The following TRAPPC9 variants were observed in gnomAD, a reference collection of about 807,000 sequenced individuals.
TRAPPC9 encodes trafficking protein particle complex subunit 9.
TRAPPC9 carries 83 observed loss-of-function variants against 124.0 expected under a neutral mutation model. The ratio of observed to expected loss-of-function variants is 0.67; its 90% CI spans 0.56 to 0.80. The LOEUF (loss-of-function observed/expected upper bound fraction) is 0.80. Ranked by LOEUF, TRAPPC9 falls within the 30% of genes least tolerant of loss-of-function variation. The pLI is 0.00. For missense variants in TRAPPC9, 1,302 were observed against 1,508.3 expected (o/e 0.86, Z 2.27); for synonymous variants, 638 against 617.5 (o/e 1.03, Z -0.49).
Position 140,279,899 on chromosome 8 carries a change from A to C in TRAPPC9, c.2114+3990T>G, listed in dbSNP as rs190024319. Among the ~76,000 whole-genome samples, 314 of 152,158 alleles carry C rather than the reference A, an allele frequency of 2.1e-3. 1 individual carries two copies. Among genetic ancestry groups the C allele is most frequent in the African/African-American group, 7.1e-3 (293 of 41,502 alleles). On this transcript the variant is annotated intron_variant, in intron 14 of 22. Coordinates refer to ENST00000438773, the MANE Select transcript of TRAPPC9 (RefSeq NM_001160372.4). ...AAGTTAAAGTACCTCTTCTCAAGTT[A>C]TTTTTCCTTTTTGGTGATCTGCCCT...
intron 21 of TRAPPC9, among the ~76,000 whole-genome samples, chr8:139,845,384 G>A (rs942645302): frequency 1.3e-5 from 2 of 152,158 alleles, no homozygotes; most frequent in Non-Finnish European, 2.9e-5. Flanking sequence ...CCATAAAAGC[G>A]TACGACATTA....
chr8:139,809,840 C>T (rs1824317280), intron 21 of TRAPPC9, among the ~76,000 whole-genome samples: 1 of 152,174 alleles, frequency 6.6e-6, no homozygotes, highest in African/African-American at 2.4e-5. Context: ...CCCCACATGC[C>T]AGCCCCTGAG....
At chr8:139,837,099 C>T (rs1343282881) in intron 21 of TRAPPC9, among the ~76,000 whole-genome samples, 1 of 152,162 alleles carries the variant, frequency 6.6e-6, no homozygotes, top group African/African-American at 2.4e-5. Flanking sequence ...GTTCAGGGAA[C>T]AAACCAGGAA....
chr8:140,381,603 G>C (rs2068610150), intron 7 of TRAPPC9, among the ~76,000 whole-genome samples: 1 of 148,790 alleles, frequency 6.7e-6, no homozygotes, highest in South Asian at 2.1e-4. Context: ...AGGAGGCGGA[G>C]GCTGCAGTGA....
intron 21 of TRAPPC9, among the ~76,000 whole-genome samples, chr8:139,741,472 T>C (rs1392474710): frequency 6.6e-6 from 1 of 152,070 alleles, no homozygotes; most frequent in Non-Finnish European, 1.5e-5. Context: ...CTGGACTTGG[T>C]CTGGTTTTGT....
At chr8:139,784,977 G>T (rs1472094693) in intron 21 of TRAPPC9, among the ~76,000 whole-genome samples, 1 of 152,142 alleles carries the variant, frequency 6.6e-6, no homozygotes, top group East Asian at 1.9e-4. Flanking sequence ...GATTCATATG[G>T]AAATACAAAA....
rs1398142193 is a variant in TRAPPC9 at position 139,728,437 on chromosome 8, T to G, written c.*2624A>C. On this transcript the variant is annotated 3_prime_UTR_variant, in exon 23 of 23. Transcript: ENST00000438773. ...AGAAGCAGCAACTGCTGGACTGTAT[T>G]GCCAGGTAGCCAGTAGCGTGGGGCC... Among the ~76,000 whole-genome samples the G allele has an allele frequency of 6.6e-6, 1 of 152,220 alleles. No homozygotes were observed. Among genetic ancestry groups the G allele is most frequent in the African/African-American group, 2.4e-5 (1 of 41,454 alleles).
chr8:140,183,101 A>AT (rs1382814179), intron 17 of TRAPPC9, among the ~76,000 whole-genome samples: 1 of 152,140 alleles, frequency 6.6e-6, no homozygotes, highest in Non-Finnish European at 1.5e-5. Flanking sequence ...CTGAGCCATA[A>AT]TCTCCTTCAG....
At chr8:139,795,967 G>C (rs141640964) in intron 21 of TRAPPC9, among the ~76,000 whole-genome samples, 1 of 152,084 alleles carries the variant, frequency 6.6e-6, no homozygotes, top group Non-Finnish European at 1.5e-5. Flanking sequence ...TAAGAATCTC[G>C]CACCCTTGGT....
At chr8:140,041,096 A>G (rs887270804) in intron 17 of TRAPPC9, 1 of 152,190 alleles carries the variant, frequency 6.6e-6, no homozygotes, top group Non-Finnish European at 1.5e-5. Context: ...CATCTCTTGC[A>G]ATAGCAGAAG....
chr8:140,107,735 A>G (rs2060692683), intron 17 of TRAPPC9, among the ~76,000 whole-genome samples: 1 of 152,204 alleles, frequency 6.6e-6, no homozygotes, highest in South Asian at 2.1e-4. Context: ...GACAGCCATG[A>G]GAAGAGCTGA....
chr8:140,128,345 C>G (rs2061136041), intron 17 of TRAPPC9, among the ~76,000 whole-genome samples: 1 of 152,224 alleles, frequency 6.6e-6, no homozygotes, highest in Non-Finnish European at 1.5e-5. Flanking sequence ...CTGGCGTAAG[C>G]AAGCCATCCA....
At chr8:140,035,168 C>T (rs1449280897) in intron 17 of TRAPPC9, among the ~76,000 whole-genome samples, 2 of 152,238 alleles carry the variant, frequency 1.3e-5, no homozygotes, top group Admixed American at 6.5e-5. Context: ...ATTGTCCTTA[C>T]ATTAATTCAC....
At position 139,788,703 on chromosome 8, in the gene TRAPPC9, TCACGCCTGCCTTCGTGGGCGCA is replaced by T. The variant is rs1474321881; in HGVS notation, c.3056-56523_3056-56502del. ...ACGGCCACGCAGAGTCGAGTTACCA[TCACGCCTGCCTTCGTGGGCGCA>T]GGCTGAGCACAAGGTCCACAGCCCT... On this transcript the variant is annotated intron_variant, in intron 21 of 22. Transcript: ENST00000438773. The surrounding 1 kb of genome is among the most constrained non-coding windows in gnomAD (Gnocchi z 4.9). Among the ~76,000 whole-genome samples the T allele has an allele frequency of 6.6e-6, 1 of 152,116 alleles. No homozygotes were observed. Among genetic ancestry groups the T allele is most frequent in the Non-Finnish European group, 1.5e-5 (1 of 68,016 alleles).
intron 19 of TRAPPC9, among the ~76,000 whole-genome samples, chr8:139,912,588 C>T (rs1831819637): frequency 6.6e-6 from 1 of 152,212 alleles, no homozygotes; most frequent in African/African-American, 2.4e-5. Context: ...AGAAGCCCAT[C>T]TCCGAGCAGC....
At chr8:139,808,269 A>C (rs1563830351) in intron 21 of TRAPPC9, among the ~76,000 whole-genome samples, 1 of 151,998 alleles carries the variant, frequency 6.6e-6, no homozygotes, top group South Asian at 2.1e-4. Flanking sequence ...GACCAGCCTG[A>C]CCAACATGGA....
rs1465589553 is a variant in TRAPPC9, at chr8:139,974,776, G to A, written c.2810+13950C>T. Among the ~76,000 whole-genome samples, 7 of 152,160 alleles carry A rather than the reference G, an allele frequency of 4.6e-5. No individual in the cohort carries two copies. In the South Asian group the frequency reaches 6.2e-4, roughly 14 times the overall value. Reference sequence around the variant, plus strand: ...AGGGCTCCATTTTACAGACGTGGACGCGAGGCTCACAGAAGACCAGCTCAT... The same window carrying A: ...AGGGCTCCATTTTACAGACGTGGACACGAGGCTCACAGAAGACCAGCTCAT... On this transcript the variant is annotated intron_variant, in intron 19 of 22. Coordinates refer to ENST00000438773, the MANE Select transcript of TRAPPC9 (RefSeq NM_001160372.4).
intron 19 of TRAPPC9, among the ~76,000 whole-genome samples, chr8:139,912,191 G>T (rs1240444762): frequency 1.3e-5 from 2 of 152,070 alleles, no homozygotes; most frequent in Admixed American, 6.5e-5. Flanking sequence ...CTAAGTATTT[G>T]TATTTAACAT....
In TRAPPC9 at chr8:139,731,004, G is replaced by T; in HGVS notation, c.*57C>A. 6.3e-7 allele frequency: 1 copy of T among 1,590,428 alleles called. No homozygotes were observed. The highest frequency in any genetic ancestry group is 8.6e-7 in the Non-Finnish European group (1 of 1,167,274). Reference sequence around the variant, plus strand: ...GGCCTTGCTCATTGCAGGGGGTGTGGGAGGCCAGGCAGGGTCACCTCTGGC... The same window carrying T: ...GGCCTTGCTCATTGCAGGGGGTGTGTGAGGCCAGGCAGGGTCACCTCTGGC... On this transcript the variant is annotated 3_prime_UTR_variant, in exon 23 of 23. Coordinates refer to ENST00000438773, the MANE Select transcript of TRAPPC9 (RefSeq NM_001160372.4).
Sources: allele counts gnomAD v4.1 joint callset (sites outside exome capture counted in the v4.1 genomes callset), GRCh38; gene constraint gnomAD v4.1.1; non-coding constraint Gnocchi (gnomAD v3.1); transcripts MANE v1.5; gene names NCBI Gene and HGNC (gene_info 2026-07-23, HGNC 2026-07-21).